The following WNK1 variants were observed in gnomAD, a reference collection of about 807,000 sequenced individuals.
WNK1 encodes WNK lysine deficient protein kinase 1, also known as serine/threonine-protein kinase WNK1.
WNK1 carries 38 observed loss-of-function variants against 222.8 expected under a neutral mutation model. The ratio of observed to expected loss-of-function variants is 0.17; its 90% CI spans 0.13 to 0.22. The LOEUF (loss-of-function observed/expected upper bound fraction) is 0.22, where lower values mean the gene tolerates loss of function less well. WNK1 is among the 10% of genes least tolerant of loss of function. The probability of loss-of-function intolerance (pLI) is 1.00; values close to 1 mark genes in which losing one functional copy is unlikely to be tolerated. For missense variants in WNK1, 2,348 were observed against 2,918.4 expected (o/e 0.80, Z 4.50); for synonymous variants, 1,090 against 1,092.9 (o/e 1.00, Z 0.05).
At chr12:873,657 A>C (rs987137887) in intron 9 of WNK1, among the ~76,000 whole-genome samples, 4 of 152,168 alleles carry the variant, frequency 2.6e-5, no homozygotes, top group Non-Finnish European at 5.9e-5. Context: ...TGATTCTGCA[A>C]ATGTACCTCA....
At position 867,911 on chromosome 12, in the gene WNK1, G is replaced by C. The variant is rs1257748721; in HGVS notation, c.2140-3354G>C. 10 of 1,613,862 alleles carry C rather than the reference G, an allele frequency of 6.2e-6. No homozygotes were observed. Among genetic ancestry groups the C allele is most frequent in the Admixed American group, 5.0e-5 (3 of 60,004 alleles). On this transcript the variant is annotated intron_variant, in intron 8 of 27. Coordinates refer to ENST00000315939, the MANE Select transcript of WNK1 (RefSeq NM_018979.4). ...GTGTGGGGGGACCCCAACATACCCA[G>C]AATCACAGATATTTTTCCCAACTAT...
chr12:848,584 G>C (rs754434815), intron 4 of WNK1, among the ~76,000 whole-genome samples: 9 of 128,750 alleles, frequency 7.0e-5, no homozygotes, highest in Non-Finnish European at 1.4e-4. Flanking sequence ...TTTCCCAGTT[G>C]TTTTTAACTT....
Position 885,751 on chromosome 12 carries a change from T to C in WNK1, c.4947T>C (p.Ile1649=), listed in dbSNP as rs758667627. 8 of 1,614,094 alleles carry C rather than the reference T, an allele frequency of 5.0e-6. No homozygotes were observed. The African/African-American group carries it at 9.3e-5, about 19-fold the overall frequency. The change falls in exon 19 of 28, where the codon ATT becomes ATC. Residue 1649 remains isoleucine, a synonymous_variant. Coordinates refer to ENST00000315939, the MANE Select transcript of WNK1 (RefSeq NM_018979.4). The stretch of plus-strand genomic sequence containing the variant: ...ATACACAACCCAAAGCTCCTGGAAT[T>C]GATGACATAAAGACTCTAGAAGAAA... The part of the protein sequence containing the change: ...DSDTQPKAPG[I]DDIKTLEEKL...
intron 1 of WNK1, among the ~76,000 whole-genome samples, chr12:756,416 T>G (rs1330866317): frequency 6.6e-6 from 1 of 152,208 alleles, no homozygotes; most frequent in African/African-American, 2.4e-5. Flanking sequence ...TCGTAACTTT[T>G]TGGATTTTTA....
At position 777,150 on chromosome 12, in the gene WNK1, T is replaced by C. The variant is rs560888591; in HGVS notation, c.759+22826T>C. On this transcript the variant is annotated intron_variant, in intron 1 of 27. Transcript: ENST00000315939. ...CTGTGCTTTTTTTCATTTGGAGGGA[T>C]TTTTTTTGTTTTTTTTTTTGTTTTT... Among the ~76,000 whole-genome samples the C allele has an allele frequency of 3.1e-3, 459 of 145,794 alleles. 5 individuals carry two copies. In the Middle Eastern group the frequency reaches 0.035, roughly 11 times the overall value.
At chr12:855,782 A>G (rs1185130505) in intron 4 of WNK1, among the ~76,000 whole-genome samples, 1 of 152,092 alleles carries the variant, frequency 6.6e-6, no homozygotes, top group Non-Finnish European at 1.5e-5. Flanking sequence ...CTTAGACAGT[A>G]GCATTTTGTT....
At chr12:900,731 C>G in intron 26 of WNK1, 61 bp downstream of exon 26, 1 of 1,603,640 alleles carries the variant, frequency 6.2e-7, no homozygotes, top group Admixed American at 1.7e-5. Context: ...ATACCTGGGA[C>G]AAAAGCCTGT....
chr12:829,919 G>C, intron 3 of WNK1, 84 bp from the exon 4 acceptor site: 1 of 1,473,308 alleles, frequency 6.8e-7, no homozygotes, highest in Non-Finnish European at 9.5e-7. Flanking sequence ...CTCTCTCACA[G>C]GTCAACCCCT....
intron 4 of WNK1, among the ~76,000 whole-genome samples, chr12:852,747 G>C (rs1257952152): frequency 2.0e-5 from 3 of 152,098 alleles, no homozygotes; most frequent in Admixed American, 2.0e-4. Flanking sequence ...ATTACATTGA[G>C]TTCTCATGTC....
intron 5 of WNK1, among the ~76,000 whole-genome samples, chr12:857,813 A>G (rs1950900188): frequency 6.6e-6 from 1 of 152,190 alleles, no homozygotes; most frequent in Admixed American, 6.5e-5. Context: ...CTGATCTGCC[A>G]TGTAGCTGAT....
intron 3 of WNK1, 82 bp from the exon 4 acceptor site, chr12:829,921 T>C: frequency 2.0e-6 from 3 of 1,487,970 alleles, no homozygotes; most frequent in Non-Finnish European, 2.8e-6. Flanking sequence ...CTCTCACAGG[T>C]CAACCCCTCT....
chr12:767,275 C>G (rs1260773488), intron 1 of WNK1, among the ~76,000 whole-genome samples: 1 of 92,022 alleles, frequency 1.1e-5, no homozygotes, highest in Non-Finnish European at 1.9e-5. Flanking sequence ...TTTTTGGAGA[C>G]AGAGTCTTGC....
intron 1 of WNK1, among the ~76,000 whole-genome samples, chr12:788,442 A>T (rs916287612): frequency 6.6e-6 from 1 of 152,230 alleles, no homozygotes; most frequent in African/African-American, 2.4e-5. Context: ...CTAATGGACC[A>T]TATTTCTAAA....
chr12:884,904 C>A lies in WNK1; in HGVS notation c.4100C>A (p.Ser1367Tyr). Residue 1367 changes from serine to tyrosine, a missense_variant, in exon 19 of 28, where the codon TCC (serine) becomes TAC (tyrosine). By Grantham distance (144) the Ser-to-Tyr change is moderately radical. Coordinates refer to ENST00000315939, the MANE Select transcript of WNK1 (RefSeq NM_018979.4). The surrounding 1 kb of genome is among the most constrained non-coding windows in gnomAD (Gnocchi z 5.6). ...PATSSPPNDI[S>Y]TSVIQSEVTV... ...ACAAGCAGCCCTCCTAATGACATTT[C>A]CACATCAGTAATTCAGTCTGAGGTT... The A allele has an allele frequency of 6.2e-7, 1 of 1,614,150 alleles. No individual in the cohort carries two copies. The highest frequency in any genetic ancestry group is 8.5e-7 in the Non-Finnish European group (1 of 1,180,020).
chr12:814,006 T>C (rs535934086), intron 2 of WNK1, among the ~76,000 whole-genome samples, 192 bp downstream of exon 2: 3 of 152,186 alleles, frequency 2.0e-5, no homozygotes, highest in Admixed American at 6.5e-5. Flanking sequence ...AATTATTTCT[T>C]GGTAAGTATT....
At chr12:802,837 TTTTC>T (rs1946017062) in intron 1 of WNK1, among the ~76,000 whole-genome samples, 1 of 152,202 alleles carries the variant, frequency 6.6e-6, no homozygotes, top group Non-Finnish European at 1.5e-5. Context: ...CAGCAACTGA[TTTTC>T]TTTTTGTCAG....
intron 1 of WNK1, among the ~76,000 whole-genome samples, chr12:806,157 G>A (rs1946351137): frequency 6.6e-6 from 1 of 152,158 alleles, no homozygotes; most frequent in Non-Finnish European, 1.5e-5. Context: ...CGAGCCCTCA[G>A]AATAATTCTT....
In WNK1 at chr12:896,109, A is replaced by C. The variant is rs1592225986; in HGVS notation, c.5622A>C (p.Lys1874Asn). 4 of 1,614,230 alleles carry C rather than the reference A, an allele frequency of 2.5e-6. No individual in the cohort carries two copies. The East Asian group carries it at 8.9e-5, about 36-fold the overall frequency. Reference sequence around the variant, plus strand: ...CAGACGGTGCCCAGAAAGAGGGTAAAAATAAGTCAGAAGATGCAAAGTCTG... The same window carrying C: ...CAGACGGTGCCCAGAAAGAGGGTAACAATAAGTCAGAAGATGCAAAGTCTG... ...VAADGAQKEG[K>N]NKSEDAKSVH... The change falls in exon 24 of 28, where the codon AAA (lysine) becomes AAC (asparagine). Residue 1874 changes from lysine (K) to asparagine (N), a missense_variant. By Grantham distance (94) the Lys-to-Asn change is moderately conservative. Coordinates refer to ENST00000315939, the MANE Select transcript of WNK1 (RefSeq NM_018979.4).
chr12:863,597 G>C (rs1214502066), intron 8 of WNK1, among the ~76,000 whole-genome samples: 1 of 151,654 alleles, frequency 6.6e-6, no homozygotes, highest in Non-Finnish European at 1.5e-5. Context: ...CATCATGGGG[G>C]AGCATTAGGT....
Sources: allele counts gnomAD v4.1 joint callset (sites outside exome capture counted in the v4.1 genomes callset), GRCh38; gene constraint gnomAD v4.1.1; non-coding constraint Gnocchi (gnomAD v3.1); transcripts MANE v1.5; gene names NCBI Gene and HGNC (gene_info 2026-07-23, HGNC 2026-07-21).